SLC9B1: variants seen among roughly 807,000 people sequenced by gnomAD.
The protein encoded by SLC9B1 is sodium/hydrogen exchanger 9B1.
A neutral mutation model predicts 51.7 loss-of-function variants in SLC9B1; 32 were observed. That is an observed-to-expected ratio of 0.62 (90% CI 0.47 to 0.83). The LOEUF (loss-of-function observed/expected upper bound fraction) is 0.83, where lower values mean the gene tolerates loss of function less well. SLC9B1 is among the 40% of genes least tolerant of loss of function. The pLI is 0.00. For synonymous variants in SLC9B1, 145 were observed against 212.7 expected, an observed-to-expected ratio of 0.68 and a Z score of 2.77; for missense variants, 406 against 613.2, an observed-to-expected ratio of 0.66 and a Z score of 3.57.
At chr4:102,946,549 C>T in intron 5 of SLC9B1, 98 bp downstream of exon 5, 6 of 1,341,978 alleles carry the variant, frequency 4.5e-6, no homozygotes, top group Non-Finnish European at 6.2e-6. Flanking sequence ...TTTACAGACT[C>T]TATTTGGAAC....
At chr4:102,934,281 A>G (rs1736605761) in intron 6 of SLC9B1, among the ~76,000 whole-genome samples, 1 of 152,216 alleles carries the variant, frequency 6.6e-6, no homozygotes, top group African/African-American at 2.4e-5. Flanking sequence ...ACTGAATAAT[A>G]GTGACATATA....
chr4:102,948,000 A>G (rs954407557), intron 4 of SLC9B1, among the ~76,000 whole-genome samples: 22 of 60,086 alleles, frequency 3.7e-4, no homozygotes, highest in Non-Finnish European at 6.4e-4. Flanking sequence ...GGTTAAAATC[A>G]AAGAATAAAT....
At chr4:102,932,420 T>A in intron 6 of SLC9B1, 121 bp from the exon 7 acceptor site, 1 of 911,540 alleles carries the variant, frequency 1.1e-6, no homozygotes, top group Non-Finnish European at 1.6e-6. Context: ...CAAATTTGAG[T>A]GAATGCAATT....
chr4:103,010,972 A>G (rs1016730125), intron 1 of SLC9B1, among the ~76,000 whole-genome samples: 1 of 152,170 alleles, frequency 6.6e-6, no homozygotes, highest in East Asian at 1.9e-4. Flanking sequence ...AGTAGCTCCA[A>G]AAGTCTTAAC....
intron 1 of SLC9B1, among the ~76,000 whole-genome samples, chr4:103,000,700 C>T (rs1740474371): frequency 6.6e-6 from 1 of 152,236 alleles, no homozygotes; most frequent in South Asian, 2.1e-4. Flanking sequence ...AAAGGGTAGA[C>T]TCCCATGGCC....
intron 7 of SLC9B1, among the ~76,000 whole-genome samples, chr4:102,920,612 C>T (rs866371067): frequency 5.3e-5 from 8 of 152,016 alleles, no homozygotes; most frequent in African/African-American, 1.4e-4. Context: ...CAAACTTCTC[C>T]GAGCTAAAGG....
chr4:102,958,991 C>G (rs1238715577), intron 3 of SLC9B1, among the ~76,000 whole-genome samples: 2 of 151,006 alleles, frequency 1.3e-5, no homozygotes, highest in Non-Finnish European at 3.0e-5. Flanking sequence ...ATGAAAGAAG[C>G]AGTAATGTAA....
At chr4:102,894,554 T>C (rs1038434083) in intron 11 of SLC9B1, among the ~76,000 whole-genome samples, 1 of 151,990 alleles carries the variant, frequency 6.6e-6, no homozygotes, top group African/African-American at 2.4e-5. Context: ...ATGCTAGTGG[T>C]AAAAATATTC....
At chr4:102,963,374 C>T in intron 3 of SLC9B1, 1 of 216,118 alleles carries the variant, frequency 4.6e-6, no homozygotes, top group Middle Eastern at 1.9e-3. Context: ...TGTTGGGGAA[C>T]AAGTGTCCTT....
At chr4:102,913,796 T>TAAAAAAAAAAAAAAAAAAAAAAAAAACA (rs61244946) in intron 7 of SLC9B1, among the ~76,000 whole-genome samples, 2 of 71,442 alleles carry the variant, frequency 2.8e-5, no homozygotes, top group Non-Finnish European at 5.6e-5. Context: ...AGATAGAAAC[T>TAAAAAAAAAAAAAAAAAAAAAAAAAACA]AAAAAAAAAA....
chr4:102,895,237 A>G (rs188087014), intron 11 of SLC9B1, among the ~76,000 whole-genome samples: 159 of 152,280 alleles, frequency 1.0e-3, no homozygotes, highest in Middle Eastern at 0.01. Flanking sequence ...ATATATGAAA[A>G]TAAACAATTC....
chr4:102,945,341 A>C, intron 5 of SLC9B1, 21 bp from the exon 6 acceptor site: 1 of 1,536,932 alleles, frequency 6.5e-7, no homozygotes, highest in Non-Finnish European at 8.8e-7. Flanking sequence ...AAACAGTCAC[A>C]CTTAGATACA....
At chr4:103,017,404 T>C (rs578106619) in intron 1 of SLC9B1, among the ~76,000 whole-genome samples, 1 of 152,334 alleles carries the variant, frequency 6.6e-6, no homozygotes, top group South Asian at 2.1e-4. Context: ...ACACTTTAAA[T>C]AAATTCCAAA....
chr4:102,885,971 T>C (rs1733889757), intron 11 of SLC9B1, among the ~76,000 whole-genome samples: 1 of 152,196 alleles, frequency 6.6e-6, no homozygotes, highest in South Asian at 2.1e-4. Flanking sequence ...TGATAAGTAC[T>C]ATAAGTAGTT....
intron 7 of SLC9B1, among the ~76,000 whole-genome samples, chr4:102,928,819 C>G (rs1187990830): frequency 6.6e-6 from 1 of 151,994 alleles, no homozygotes; most frequent in African/African-American, 2.4e-5. Flanking sequence ...AGCTTTGAGT[C>G]TCTGGATGAA....
Position 102,923,035 on chromosome 4 carries a change from A to G in SLC9B1, c.829+9089T>C, listed in dbSNP as rs185197638. ...ACTATTCCAATCAATAGAAAAAGAG[A>G]GAATCCTCCCTAATTCATTTTATGA... On this transcript the variant is annotated intron_variant, in intron 7 of 11. Coordinates refer to ENST00000296422, the MANE Select transcript of SLC9B1 (RefSeq NM_139173.4). Among the ~76,000 whole-genome samples the G allele has an allele frequency of 9.0e-3, 1,372 of 152,240 alleles. 13 individuals carry two copies. Among genetic ancestry groups the G allele is most frequent in the African/African-American group, 0.03 (1,247 of 41,554 alleles).
intron 9 of SLC9B1, among the ~76,000 whole-genome samples, chr4:102,907,209 G>T (rs1462939804): frequency 4.6e-5 from 7 of 152,120 alleles, no homozygotes; most frequent in African/African-American, 1.7e-4. Flanking sequence ...TGTCCTTAGG[G>T]TTCTAGCCAT....
chr4:102,925,762 C>A (rs1240733842), intron 7 of SLC9B1, among the ~76,000 whole-genome samples: 1 of 151,250 alleles, frequency 6.6e-6, no homozygotes, highest in African/African-American at 2.4e-5. Context: ...CAGCATCATC[C>A]TGGTACCAAA....
chr4:103,012,361 A>G (rs1039460721), intron 1 of SLC9B1, among the ~76,000 whole-genome samples: 4 of 152,182 alleles, frequency 2.6e-5, no homozygotes, highest in African/African-American at 9.7e-5. Flanking sequence ...ACTCATCAGA[A>G]TGGTCTTTAC....
Sources: gnomAD v4.1 joint callset for allele counts (sites outside exome capture counted in the v4.1 genomes callset) on GRCh38, gnomAD v4.1.1 for gene constraint, MANE v1.5 for transcripts, NCBI Gene and HGNC (gene_info 2026-07-23, HGNC 2026-07-21) for gene names.